The following PDE4B variants were observed in gnomAD, a reference collection of about 807,000 sequenced individuals.
PDE4B encodes the protein phosphodiesterase 4B.
Under a neutral mutation model 82.2 loss-of-function variants are expected in PDE4B, and 20 were observed. The observed-to-expected ratio is 0.24, with a 90% CI of 0.17 to 0.35. The LOEUF is 0.35. Among genes scored for constraint, PDE4B ranks in the 10% least tolerant of loss-of-function variants. The probability of loss-of-function intolerance (pLI) is 1.00; values close to 1 mark genes in which losing one functional copy is unlikely to be tolerated. For synonymous variants in PDE4B, 320 were observed against 318.9 expected (o/e 1.00, Z -0.04); for missense variants, 655 against 907.2 (o/e 0.72, Z 3.57).
At chr1:66,257,272 T>C (rs1327528177) in intron 4 of PDE4B, 2 of 299,900 alleles carry the variant, frequency 6.7e-6, no homozygotes, top group Non-Finnish European at 1.3e-5. Flanking sequence ...TTTTTCCAAC[T>C]GTGTGTGTCC....
chr1:66,237,551 T>C (rs1652555732), intron 3 of PDE4B, among the ~76,000 whole-genome samples: 1 of 152,186 alleles, frequency 6.6e-6, no homozygotes, highest in Admixed American at 6.5e-5. Flanking sequence ...GTCAAAGACT[T>C]GTGAAATTTG....
At chr1:65,841,208 G>A (rs2101344642) in intron 1 of PDE4B, among the ~76,000 whole-genome samples, 1 of 152,180 alleles carries the variant, frequency 6.6e-6, no homozygotes. Flanking sequence ...TGAGGCATGA[G>A]ACTTGCTTTA....
At chr1:65,984,670 G>T (rs1422164204) in intron 3 of PDE4B, among the ~76,000 whole-genome samples, 4 of 152,102 alleles carry the variant, frequency 2.6e-5, no homozygotes, top group Non-Finnish European at 5.9e-5. Flanking sequence ...CAGGATAATT[G>T]CTTAAACCTG....
At chr1:66,360,097 G>A (rs1443218187) in intron 9 of PDE4B, among the ~76,000 whole-genome samples, 1 of 151,984 alleles carries the variant, frequency 6.6e-6, no homozygotes, top group East Asian at 1.9e-4. Context: ...GATTGGGTGG[G>A]GCTTATTCAG....
chr1:66,273,366 C>G (rs1655649127), intron 7 of PDE4B, among the ~76,000 whole-genome samples: 1 of 152,242 alleles, frequency 6.6e-6, no homozygotes, highest in South Asian at 2.1e-4. Flanking sequence ...GATTATTTTT[C>G]ACATTGTCAC....
chr1:66,357,952 T>C (rs1407824890), intron 9 of PDE4B, among the ~76,000 whole-genome samples: 1 of 152,122 alleles, frequency 6.6e-6, no homozygotes, highest in Non-Finnish European at 1.5e-5. Context: ...TCTGACAATC[T>C]CAAAAAACAA....
chr1:65,955,342 C>T (rs1331372948), intron 3 of PDE4B, among the ~76,000 whole-genome samples: 2 of 152,138 alleles, frequency 1.3e-5, no homozygotes, highest in Non-Finnish European at 2.9e-5. Flanking sequence ...GTTTATACTA[C>T]ATCCACTAAA....
chr1:66,064,611 C>T (rs1655747749), intron 3 of PDE4B, among the ~76,000 whole-genome samples: 1 of 151,930 alleles, frequency 6.6e-6, no homozygotes, highest in South Asian at 2.1e-4. Context: ...GTAGAGTTCT[C>T]ATTGACTCTT....
At chr1:65,798,129 T>C (rs1645651814) in intron 1 of PDE4B, among the ~76,000 whole-genome samples, 1 of 152,090 alleles carries the variant, frequency 6.6e-6, no homozygotes, top group Admixed American at 6.5e-5. Context: ...GCAATTCTTC[T>C]GCCTCAGCCT....
intron 3 of PDE4B, among the ~76,000 whole-genome samples, chr1:66,037,168 G>A (rs1275282705): frequency 6.7e-6 from 1 of 149,494 alleles, no homozygotes; most frequent in Non-Finnish European, 1.5e-5. Context: ...TTCTATTTCT[G>A]TAAAGAATGA....
At chr1:65,842,821 T>TAG (rs1553190310) in intron 1 of PDE4B, among the ~76,000 whole-genome samples, 1 of 152,124 alleles carries the variant, frequency 6.6e-6, no homozygotes, top group Non-Finnish European at 1.5e-5. Flanking sequence ...TACATGGTAA[T>TAG]AGAGTTGCAT....
chr1:66,060,603 T>C (rs1347163065), intron 3 of PDE4B, among the ~76,000 whole-genome samples: 1 of 152,200 alleles, frequency 6.6e-6, no homozygotes, highest in East Asian at 1.9e-4. Context: ...AATTGTAAAA[T>C]TTTGATATAT....
chr1:66,195,284 T>A (rs1470587282), intron 3 of PDE4B, among the ~76,000 whole-genome samples: 1 of 152,132 alleles, frequency 6.6e-6, no homozygotes, highest in Non-Finnish European at 1.5e-5. Flanking sequence ...TCCATGACCT[T>A]GTGTTCATTT....
chr1:66,314,999 TGAG>T (rs1658930853), intron 7 of PDE4B, among the ~76,000 whole-genome samples: 1 of 152,212 alleles, frequency 6.6e-6, no homozygotes, highest in Non-Finnish European at 1.5e-5. Flanking sequence ...GCACATTCCT[TGAG>T]GACAATGACA....
chr1:66,107,529 A>G (rs1388517355), intron 3 of PDE4B, among the ~76,000 whole-genome samples: 1 of 151,936 alleles, frequency 6.6e-6, no homozygotes, highest in Non-Finnish European at 1.5e-5. Context: ...ACAAAAAAAA[A>G]AACCTGCCTT....
At chr1:66,054,132 T>G (rs1289209601) in intron 3 of PDE4B, among the ~76,000 whole-genome samples, 3 of 152,188 alleles carry the variant, frequency 2.0e-5, no homozygotes. Flanking sequence ...CTGAAGCTTG[T>G]GCTTTTATAT....
intron 3 of PDE4B, among the ~76,000 whole-genome samples, chr1:66,012,879 A>G (rs911003316): frequency 2.0e-5 from 3 of 152,134 alleles, no homozygotes; most frequent in African/African-American, 7.2e-5. Context: ...TATGTCAGGC[A>G]ATGCTCTAAC....
intron 3 of PDE4B, among the ~76,000 whole-genome samples, chr1:65,921,162 G>A (rs531414687): frequency 6.6e-6 from 1 of 151,118 alleles, no homozygotes; most frequent in African/African-American, 2.4e-5. Flanking sequence ...TAGAGACGGG[G>A]TTTCACCGTT....
intron 1 of PDE4B, among the ~76,000 whole-genome samples, chr1:65,827,530 A>G (rs1382467561): frequency 6.6e-6 from 1 of 152,146 alleles, no homozygotes; most frequent in Non-Finnish European, 1.5e-5. Flanking sequence ...TAGTGGACTT[A>G]CATAGTTGGG....
Sources: allele counts gnomAD v4.1 joint callset (sites outside exome capture counted in the v4.1 genomes callset), GRCh38; gene constraint gnomAD v4.1.1; transcripts MANE v1.5; gene names NCBI Gene and HGNC (gene_info 2026-07-23, HGNC 2026-07-21).